The following ITCH variants were observed in gnomAD, a reference collection of about 807,000 sequenced individuals.
ITCH encodes the protein itchy E3 ubiquitin protein ligase.
In ITCH, 28 loss-of-function variants were observed where a neutral mutation model predicts 126.8. The ratio of observed to expected loss-of-function variants is 0.22; its 90% confidence interval spans 0.16 to 0.30. ITCH has a LOEUF of 0.30. Among genes scored for constraint, ITCH ranks in the 10% least tolerant of loss-of-function variants. The pLI is 1.00. For missense variants in ITCH, 631 were observed against 1,032.4 expected (o/e 0.61, Z 5.33); for synonymous variants, 342 against 340.0 (o/e 1.01, Z -0.06).
chr20:34,434,195 T>C (rs769097907), intron 7 of ITCH, among the ~76,000 whole-genome samples: 3 of 152,014 alleles, frequency 2.0e-5, no homozygotes, highest in Admixed American at 1.3e-4. Context: ...GAGGATCATA[T>C]GAGCCTGGGA....
At chr20:34,488,092 A>T (rs1989254861) in intron 20 of ITCH, among the ~76,000 whole-genome samples, 1 of 152,138 alleles carries the variant, frequency 6.6e-6, no homozygotes, top group Admixed American at 6.5e-5. Context: ...TTTCAAAAAT[A>T]ATCTTATATT....
intron 3 of ITCH, chr20:34,402,815 G>C (rs1298744912): frequency 5.6e-6 from 1 of 180,124 alleles, no homozygotes; most frequent in Non-Finnish European, 1.2e-5. Context: ...TGCTAGCATT[G>C]GGCAAAATAA....
At chr20:34,440,720 T>C (rs1452642323) in intron 9 of ITCH, among the ~76,000 whole-genome samples, 2 of 152,130 alleles carry the variant, frequency 1.3e-5, no homozygotes, top group African/African-American at 4.8e-5. Context: ...CTGAAAGTGC[T>C]GGGATTACAG....
At chr20:34,400,906 CA>C (rs2038860458) in intron 3 of ITCH, among the ~76,000 whole-genome samples, 1 of 152,096 alleles carries the variant, frequency 6.6e-6, no homozygotes, top group Admixed American at 6.6e-5. Flanking sequence ...TGCAGGCATG[CA>C]CCACTGTGCC....
At chr20:34,424,953 G>A (rs1981296335) in intron 7 of ITCH, among the ~76,000 whole-genome samples, 1 of 152,182 alleles carries the variant, frequency 6.6e-6, no homozygotes, top group Non-Finnish European at 1.5e-5. Flanking sequence ...GTTAGCCCAG[G>A]TTTAGCACTT....
intron 18 of ITCH, 111 bp downstream of exon 18, chr20:34,479,900 TTTTG>T: frequency 2.9e-6 from 3 of 1,028,534 alleles, no homozygotes; most frequent in Non-Finnish European, 4.5e-6. Flanking sequence ...TTTTGTTTTG[TTTTG>T]TTTTTTATTT....
intron 3 of ITCH, among the ~76,000 whole-genome samples, chr20:34,404,716 T>C (rs758044527): frequency 6.6e-6 from 1 of 152,126 alleles, no homozygotes; most frequent in Non-Finnish European, 1.5e-5. Flanking sequence ...TTCGGCCGCT[T>C]CTCTTTTTAT....
chr20:34,379,989 C>G (rs775233028), intron 2 of ITCH, among the ~76,000 whole-genome samples: 3 of 149,248 alleles, frequency 2.0e-5, no homozygotes, highest in Non-Finnish European at 4.4e-5. Flanking sequence ...CTCCGCCTCC[C>G]AGGTTCAAGC....
intron 6 of ITCH, among the ~76,000 whole-genome samples, chr20:34,421,499 G>A (rs1388999515): frequency 6.6e-6 from 1 of 152,096 alleles, no homozygotes; most frequent in Non-Finnish European, 1.5e-5. Context: ...AATTTGGATT[G>A]GGAATACCTT....
intron 13 of ITCH, among the ~76,000 whole-genome samples, chr20:34,459,759 TAAA>T: frequency 6.6e-6 from 1 of 152,120 alleles, no homozygotes; most frequent in Middle Eastern, 3.4e-3. Flanking sequence ...TAAAAATAAA[TAAA>T]AAAAGATATG....
At chr20:34,491,997 G>A (rs914830656) in intron 22 of ITCH, among the ~76,000 whole-genome samples, 1 of 152,154 alleles carries the variant, frequency 6.6e-6, no homozygotes, top group Non-Finnish European at 1.5e-5. Context: ...ATCTGGGGCT[G>A]GGGGGTGGTG....
At chr20:34,495,243 C>T (rs1052929746) in intron 23 of ITCH, among the ~76,000 whole-genome samples, 2 of 145,592 alleles carry the variant, frequency 1.4e-5, no homozygotes, top group African/African-American at 5.1e-5. Context: ...CCAGCCTGGG[C>T]GACAAGAACA....
rs1978342962 is a variant in ITCH at position 34,508,013 on chromosome 20, GA to G, written c.*220del. 2.0e-6 allele frequency: 1 copy of G among 507,996 alleles called. No homozygotes were observed. Among genetic ancestry groups the G allele is most frequent in the Non-Finnish European group, 3.6e-6 (1 of 278,904 alleles). 31.5% of individuals were successfully genotyped at this position (507,996 alleles called of 1,614,324 possible). A position where few individuals can be genotyped will look rare whatever the true frequency, so the allele number is the denominator to read the frequency against. On this transcript the variant is annotated 3_prime_UTR_variant, in exon 25 of 25. Transcript: ENST00000374864. ...GACTAGTCAGAACCTTGCTTAACAT[GA>G]GATTTTAACACAACAATGAAATTTG... is the stretch of plus-strand genomic sequence containing the variant.
chr20:34,486,653 C>CTATT (rs1568995670), intron 20 of ITCH, among the ~76,000 whole-genome samples: 1 of 139,566 alleles, frequency 7.2e-6, no homozygotes, highest in Non-Finnish European at 1.6e-5. Context: ...GTGTTTTTCA[C>CTATT]TATTTTATTT....
chr20:34,502,047 A>G (rs1170124678), intron 23 of ITCH, among the ~76,000 whole-genome samples: 3 of 152,226 alleles, frequency 2.0e-5, no homozygotes, highest in Non-Finnish European at 4.4e-5. Flanking sequence ...AGACCATAAC[A>G]TTTGAAAGGT....
At chr20:34,411,545 A>G (rs1342038667) in intron 4 of ITCH, among the ~76,000 whole-genome samples, 6 of 152,158 alleles carry the variant, frequency 3.9e-5, no homozygotes, top group Non-Finnish European at 8.8e-5. Flanking sequence ...TGTATCCCCT[A>G]AGAAGAGGAG....
At chr20:34,393,977 A>G (rs2038578667) in intron 3 of ITCH, 96 bp downstream of exon 3, 2 of 1,176,588 alleles carry the variant, frequency 1.7e-6, no homozygotes, top group African/African-American at 3.0e-5. Context: ...CATGCCTGTA[A>G]TCCCAGCACT....
chr20:34,424,273 G>T (rs909762465), intron 6 of ITCH, among the ~76,000 whole-genome samples: 2 of 152,102 alleles, frequency 1.3e-5, no homozygotes, highest in African/African-American at 4.8e-5. Context: ...TAATTATTAA[G>T]CATTTGCACA....
In ITCH at chr20:34,470,224, T is replaced by C. The variant is rs1263607777; in HGVS notation, c.1497+104T>C. The C allele has an allele frequency of 1.1e-5, 10 of 886,956 alleles. No homozygotes were observed. In the East Asian group the frequency reaches 2.2e-4, roughly 19 times the overall value. The allele number at this position is 886,956 out of a possible 1,614,324, so 54.9% of individuals were successfully genotyped here. A position where few individuals can be genotyped will look rare whatever the true frequency, so the allele number is the denominator to read the frequency against. On this transcript the variant is annotated intron_variant, in intron 15 of 24. Transcript: ENST00000374864. Reference sequence around the variant, plus strand: ...TTAACTCACAGAAAAACAGGTAAAATGGGAAGCATTAGAATCTCTTTCATC... The same window carrying C: ...TTAACTCACAGAAAAACAGGTAAAACGGGAAGCATTAGAATCTCTTTCATC...
Sources: allele counts gnomAD v4.1 joint callset (sites outside exome capture counted in the v4.1 genomes callset), GRCh38; gene constraint gnomAD v4.1.1; transcripts MANE v1.5; gene names NCBI Gene and HGNC (gene_info 2026-07-23, HGNC 2026-07-21).